The following NDUFB1 variants were observed in gnomAD, a reference collection of about 807,000 sequenced individuals.
NDUFB1 encodes NADH:ubiquinone oxidoreductase subunit B1, also known as NADH dehydrogenase [ubiquinone] 1 beta subcomplex subunit 1.
In NDUFB1, 6 loss-of-function variants were observed where a neutral mutation model predicts 6.7. That is an observed-to-expected ratio of 0.89 (90% CI 0.49 to 1.76). The LOEUF (loss-of-function observed/expected upper bound fraction) is 1.76, where lower values mean the gene tolerates loss of function less well. Among genes scored for constraint, NDUFB1 ranks in the 40% most tolerant of loss-of-function variants. The probability of loss-of-function intolerance (pLI) is 0.01; values close to 1 mark genes in which losing one functional copy is unlikely to be tolerated. For missense variants in NDUFB1, 56 were observed against 71.0 expected (o/e 0.79, Z 0.76); for synonymous variants, 17 against 22.9 (o/e 0.74, Z 0.74).
At chr14:92,119,624 C>T (rs896993460) in intron 1 of NDUFB1, among the ~76,000 whole-genome samples, 1 of 152,100 alleles carries the variant, frequency 6.6e-6, no homozygotes, top group Non-Finnish European at 1.5e-5. Flanking sequence ...GCTTGGGACC[C>T]GAAGTGTTTT....
intron 1 of NDUFB1, 35 bp from the exon 2 acceptor site, chr14:92,117,677 CT>C: frequency 1.3e-6 from 2 of 1,584,246 alleles, no homozygotes; most frequent in Non-Finnish European, 1.7e-6. Flanking sequence ...AATACAACTG[CT>C]TTGTTTTTTT....
chr14:92,120,362 T>A (rs567054726), intron 1 of NDUFB1: 1 of 151,832 alleles, frequency 6.6e-6, no homozygotes, highest in Admixed American at 6.6e-5. Context: ...TTTTTTTTTT[T>A]ATTTTGAGAC....
At chr14:92,116,775 GTTTATC>G (rs1374628490) in intron 2 of NDUFB1, among the ~76,000 whole-genome samples, 1 of 152,110 alleles carries the variant, frequency 6.6e-6, no homozygotes, top group African/African-American at 2.4e-5. Context: ...TAATTACTTA[GTTTATC>G]TTTATATGAA....
chr14:92,117,076 T>A (rs545600478), intron 2 of NDUFB1, among the ~76,000 whole-genome samples: 2 of 152,360 alleles, frequency 1.3e-5, no homozygotes, highest in South Asian at 4.1e-4. Flanking sequence ...TACCACCAGG[T>A]CTAAAGCTCT....
At chr14:92,121,521 C>T (rs1426476499) in intron 1 of NDUFB1, 121 bp downstream of exon 1, 2 of 1,421,402 alleles carry the variant, frequency 1.4e-6, no homozygotes, top group Admixed American at 2.0e-5. Context: ...CGTTCGGAAG[C>T]CCCGGGGAAG....
At chr14:92,121,302 C>T (rs1050027624) in intron 1 of NDUFB1, 8 of 435,494 alleles carry the variant, frequency 1.8e-5, no homozygotes, top group African/African-American at 4.0e-5. Context: ...AAGCTGCTCG[C>T]GGAGGGGAGG....
At position 92,117,374 on chromosome 14, in the gene NDUFB1, C is replaced by G; in HGVS notation, c.140+124G>C. 3.2e-6 allele frequency: 3 copies of G among 949,692 alleles called. No individual in the cohort carries two copies. In the South Asian group the frequency reaches 4.0e-5, roughly 13 times the overall value. 58.8% of individuals were successfully genotyped at this position (949,692 alleles called of 1,614,324 possible). On this transcript the variant is annotated intron_variant, in intron 2 of 2. Coordinates refer to ENST00000605997, the MANE Select transcript of NDUFB1 (RefSeq NM_004545.4). Reference sequence around the variant, plus strand: ...ATTCAATAACAAACAAGACTAAAAACAGTATCATTTGAATCTAAGTCCTCA... The same window carrying G: ...ATTCAATAACAAACAAGACTAAAAAGAGTATCATTTGAATCTAAGTCCTCA...
intron 2 of NDUFB1, 115 bp downstream of exon 2, chr14:92,117,383 T>C (rs910658582): frequency 5.8e-6 from 6 of 1,032,286 alleles, no homozygotes; most frequent in Non-Finnish European, 9.2e-6. Context: ...ACAGTATCAT[T>C]TGAATCTAAG....
intron 1 of NDUFB1, chr14:92,119,063 G>A: frequency 4.1e-6 from 1 of 246,140 alleles, no homozygotes. Context: ...TGTAACCACA[G>A]CACTTTGGGA....
chr14:92,119,484 G>C (rs976681444), intron 1 of NDUFB1, among the ~76,000 whole-genome samples: 4 of 152,198 alleles, frequency 2.6e-5, no homozygotes, highest in Non-Finnish European at 5.9e-5. Flanking sequence ...AGCTCTGGCT[G>C]CTATTATAGC....
At chr14:92,119,006 G>C in intron 1 of NDUFB1, 1 of 356,000 alleles carries the variant, frequency 2.8e-6, no homozygotes, top group South Asian at 2.1e-5. Context: ...AAGGCAAAGG[G>C]AGAAGAAAAT....
intron 1 of NDUFB1, chr14:92,118,932 C>A (rs1374002356): frequency 2.7e-6 from 1 of 363,736 alleles, no homozygotes; most frequent in South Asian, 2.0e-5. Flanking sequence ...TGAGATGACG[C>A]CACTACACTC....
At chr14:92,121,408 G>T in intron 1 of NDUFB1, 1 of 649,166 alleles carries the variant, frequency 1.5e-6, no homozygotes, top group Non-Finnish European at 2.6e-6. Flanking sequence ...CTCTACGGAC[G>T]TTTTCCTGTT....
chr14:92,118,309 A>T (rs902082631), intron 1 of NDUFB1: 1 of 152,242 alleles, frequency 6.6e-6, no homozygotes, highest in East Asian at 1.9e-4. Context: ...TTGTTTTGGA[A>T]CTTTTTTTTG....
intron 1 of NDUFB1, among the ~76,000 whole-genome samples, chr14:92,119,311 C>CAAA (rs10649810): frequency 0.17 from 22,629 of 137,076 alleles, 2,015 homozygotes; most frequent in East Asian, 0.33. Flanking sequence ...GATGCTGTCT[C>CAAA]AAAAAAAAAA....
intron 2 of NDUFB1, 28 bp downstream of exon 2, chr14:92,117,470 T>C (rs753719451): frequency 4.3e-6 from 7 of 1,611,736 alleles, no homozygotes; most frequent in Non-Finnish European, 5.9e-6. Context: ...ATTTGGCCAA[T>C]TGCTGGTTTA....
At chr14:92,116,279 G>A (rs369458160) in intron 2 of NDUFB1, 50 bp from the exon 3 acceptor site, 1 of 1,442,498 alleles carries the variant, frequency 6.9e-7, no homozygotes, top group Non-Finnish European at 9.7e-7. Flanking sequence ...AAATAAAACT[G>A]TGATACGAGA....
intron 1 of NDUFB1, among the ~76,000 whole-genome samples, chr14:92,119,235 CCA>C (rs1491038176): frequency 1.4e-5 from 2 of 141,936 alleles, no homozygotes; most frequent in African/African-American, 5.4e-5. Flanking sequence ...TTGCTTGAGC[CCA>C]AGAGACGGAG....
chr14:92,120,085 C>CT (rs11395236), intron 1 of NDUFB1, among the ~76,000 whole-genome samples: 62,735 of 151,854 alleles, frequency 0.41, 13,898 homozygotes, highest in East Asian at 0.84. Context: ...ATAAATTGCA[C>CT]AATTCAATAA....
Sources: allele counts gnomAD v4.1 joint callset (sites outside exome capture counted in the v4.1 genomes callset), GRCh38; gene constraint gnomAD v4.1.1; transcripts MANE v1.5; gene names NCBI Gene and HGNC (gene_info 2026-07-23, HGNC 2026-07-21).